BRINP2: variants seen among roughly 807,000 people sequenced by gnomAD.
BRINP2 encodes BMP/retinoic acid-inducible neural-specific protein 2.
BRINP2 carries 21 observed loss-of-function variants against 69.2 expected under a neutral mutation model. The observed-to-expected ratio is 0.30, with a 90% CI of 0.22 to 0.44. The LOEUF is 0.44. Among genes scored for constraint, BRINP2 ranks in the 20% least tolerant of loss-of-function variants. The pLI is 1.00. For synonymous variants in BRINP2, 380 were observed against 394.1 expected, an observed-to-expected ratio of 0.96 and a Z score of 0.42; for missense variants, 877 against 986.0, an observed-to-expected ratio of 0.89 and a Z score of 1.48.
In BRINP2 at chr1:177,278,644, A is replaced by G; in HGVS notation, c.1094A>G (p.Asp365Gly). ...STAISQFWAM[D>G]TSLQHRYQQL... ...GCTATCTCCCAGTTCTGGGCCATGG[A>G]CACCAGCCTTCAGCACCGCTACCAG... Residue 365 changes from aspartate to glycine, a missense_variant, in exon 7 of 8, where the codon GAC becomes GGC. This residue lies in a region of BRINP2 where 566 missense variants were observed against 625.2 expected (regional missense o/e 0.91). Transcript: ENST00000361539. 2.5e-6 allele frequency: 4 copies of G among 1,614,206 alleles called. No homozygotes were observed. Among genetic ancestry groups the G allele is most frequent in the Non-Finnish European group, 3.4e-6 (4 of 1,180,040 alleles).
chr1:177,191,364 G>A (rs1648589947), intron 1 of BRINP2, among the ~76,000 whole-genome samples: 1 of 152,202 alleles, frequency 6.6e-6, no homozygotes, highest in South Asian at 2.1e-4. Context: ...ACATGAGGAT[G>A]AGGATGAGAA....
At chr1:177,178,534 A>G (rs1387396406) in intron 1 of BRINP2, among the ~76,000 whole-genome samples, 3 of 152,088 alleles carry the variant, frequency 2.0e-5, no homozygotes, top group African/African-American at 7.2e-5. Flanking sequence ...CTGAGCTTTA[A>G]GACTCTGTAA....
At chr1:177,176,934 G>A (rs1648105754) in intron 1 of BRINP2, among the ~76,000 whole-genome samples, 1 of 152,074 alleles carries the variant, frequency 6.6e-6, no homozygotes, top group Non-Finnish European at 1.5e-5. Context: ...AATCTTTAGG[G>A]TCTTACTCCA....
At position 177,280,621 on chromosome 1, in the gene BRINP2, C is replaced by G; in HGVS notation, c.1445C>G (p.Pro482Arg). The G allele has an allele frequency of 6.2e-7, 1 of 1,614,100 alleles. No individual in the cohort carries two copies. Among genetic ancestry groups the G allele is most frequent in the African/African-American group, 1.3e-5 (1 of 75,062 alleles). ...AGCACACGCTGTGGGAGCTGCAACC[C>G]GGGCTATGTGCTGGCCCAGGGGCTG... ...DNSTRCGSCN[P>R]GYVLAQGLCR... The change falls in exon 8 of 8, where the codon CCG becomes CGG. Residue 482 changes from proline to arginine, a missense_variant. Physicochemically the swap from Pro to Arg is moderately radical, Grantham distance 103. Coordinates refer to ENST00000361539, the MANE Select transcript of BRINP2 (RefSeq NM_021165.4).
intron 1 of BRINP2, among the ~76,000 whole-genome samples, chr1:177,207,650 C>A (rs1649105494): frequency 6.6e-6 from 1 of 152,106 alleles, no homozygotes; most frequent in South Asian, 2.1e-4. Flanking sequence ...AAACAAAGGG[C>A]CTTTGTGATG....
At chr1:177,243,740 C>T (rs1013219) in intron 2 of BRINP2, among the ~76,000 whole-genome samples, 54,001 of 152,028 alleles carry the variant, frequency 0.36, 10,186 homozygotes, top group South Asian at 0.54. Context: ...TCATGTCACA[C>T]TCCAATACAA....
intron 1 of BRINP2, among the ~76,000 whole-genome samples, chr1:177,217,485 T>G (rs1649413193): frequency 6.6e-6 from 1 of 152,244 alleles, no homozygotes; most frequent in Non-Finnish European, 1.5e-5. Flanking sequence ...TTTTTTTTTC[T>G]GTCCTTTTAT....
intron 2 of BRINP2, 80 bp downstream of exon 2, chr1:177,230,225 C>T: frequency 1.4e-6 from 2 of 1,458,584 alleles, no homozygotes; most frequent in East Asian, 4.8e-5. Context: ...CTGGCCCAAA[C>T]CCCTAAACAG....
At chr1:177,187,789 T>C (rs1648472668) in intron 1 of BRINP2, among the ~76,000 whole-genome samples, 1 of 152,226 alleles carries the variant, frequency 6.6e-6, no homozygotes, top group African/African-American at 2.4e-5. Context: ...ATTTATCATT[T>C]GTTGTTTGAA....
chr1:177,191,055 A>T (rs1648581788), intron 1 of BRINP2, among the ~76,000 whole-genome samples: 1 of 152,182 alleles, frequency 6.6e-6, no homozygotes, highest in Non-Finnish European at 1.5e-5. Flanking sequence ...TGGCTGTGTC[A>T]TCAACTCTCC....
At chr1:177,181,231 G>T (rs1451172527) in intron 1 of BRINP2, among the ~76,000 whole-genome samples, 1 of 152,204 alleles carries the variant, frequency 6.6e-6, no homozygotes, top group Non-Finnish European at 1.5e-5. Context: ...CAGTGGACTG[G>T]GAGGAACAAG....
intron 1 of BRINP2, among the ~76,000 whole-genome samples, chr1:177,193,427 T>C (rs1025006537): frequency 3.9e-5 from 6 of 152,204 alleles, no homozygotes; most frequent in Non-Finnish European, 8.8e-5. Context: ...GTCTGCCTTA[T>C]GTTAATGGCA....
intron 1 of BRINP2, among the ~76,000 whole-genome samples, chr1:177,192,076 G>A (rs1558153768): frequency 6.6e-6 from 1 of 152,176 alleles, no homozygotes; most frequent in East Asian, 1.9e-4. Flanking sequence ...TGAAAATAAT[G>A]GGAAACATCT....
At chr1:177,269,899 T>C (rs892746544) in intron 4 of BRINP2, among the ~76,000 whole-genome samples, 6 of 152,198 alleles carry the variant, frequency 3.9e-5, no homozygotes, top group African/African-American at 1.4e-4. Flanking sequence ...TAGCTCTTTC[T>C]GAAAGCTTAT....
In BRINP2 at chr1:177,171,142, GA is replaced by G. The variant is rs1647915471; in HGVS notation, c.-666del. On this transcript the variant is annotated 5_prime_UTR_variant, in exon 1 of 8. The change abolishes the stop of an existing upstream ORF in the 5' untranslated region. Transcript: ENST00000361539. ...GGGATGTGCACCTGCCGTGCGCTCC[GA>G]GGTCAGTGGCAGGTCTGCAGGCAGC... Among the ~76,000 whole-genome samples the G allele has an allele frequency of 6.6e-6, 1 of 152,266 alleles. No homozygotes were observed. Among genetic ancestry groups the G allele is most frequent in the Non-Finnish European group, 1.5e-5 (1 of 68,050 alleles).
intron 1 of BRINP2, among the ~76,000 whole-genome samples, chr1:177,210,865 T>C (rs1381530771): frequency 6.6e-6 from 1 of 151,640 alleles, no homozygotes; most frequent in East Asian, 1.9e-4. Context: ...TCAGTCATAA[T>C]TTTCTTATAC....
chr1:177,211,684 C>G (rs576112707), intron 1 of BRINP2, among the ~76,000 whole-genome samples: 1 of 152,300 alleles, frequency 6.6e-6, no homozygotes, highest in South Asian at 2.1e-4. Flanking sequence ...TGGATCCTAT[C>G]AGCTGGCACA....
At chr1:177,226,507 G>A (rs182879198) in intron 1 of BRINP2, among the ~76,000 whole-genome samples, 71 of 152,254 alleles carry the variant, frequency 4.7e-4, no homozygotes, top group African/African-American at 1.6e-3. Context: ...TTGCAGAATG[G>A]GAGAGCCTAC....
intron 1 of BRINP2, among the ~76,000 whole-genome samples, chr1:177,179,234 C>T (rs941110937): frequency 5.9e-5 from 9 of 152,270 alleles, no homozygotes; most frequent in African/African-American, 2.2e-4. Context: ...GTGACTGAGG[C>T]ATCGGTCAGG....
Sources: gnomAD v4.1 joint callset for allele counts (sites outside exome capture counted in the v4.1 genomes callset) on GRCh38, gnomAD v4.1.1 for gene constraint, gnomAD v4.1.1 regional missense constraint, MANE v1.5 for transcripts, NCBI Gene and HGNC (gene_info 2026-07-23, HGNC 2026-07-21) for gene names.